Variants in MMD2 observed in about 807,000 individuals in gnomAD.
The protein encoded by MMD2 is monocyte to macrophage differentiation associated 2.
Under a neutral mutation model 33.5 loss-of-function variants are expected in MMD2, and 30 were observed. The ratio of observed to expected loss-of-function variants is 0.90; its 90% CI spans 0.67 to 1.22. The LOEUF (loss-of-function observed/expected upper bound fraction) is 1.22. Among genes scored for constraint, MMD2 ranks in the 50% most tolerant of loss-of-function variants. MMD2 has a pLI of 0.00. For missense variants in MMD2, 364 were observed against 325.4 expected (o/e 1.12, Z -0.91); for synonymous variants, 129 against 123.0 (o/e 1.05, Z -0.32).
chr7:4,894,836 A>C, the MMD2 span, among the ~76,000 whole-genome samples: 19 of 152,076 alleles, frequency 1.2e-4, no homozygotes, highest in African/African-American at 3.9e-4. The surrounding 1 kb of genome is among the most constrained non-coding windows in gnomAD (Gnocchi z 4.3). Flanking sequence ...TCCAGGAAGA[A>C]TCAGGTCACC....
intron 3 of MMD2, among the ~76,000 whole-genome samples, chr7:4,916,473 C>T (rs1785147647): frequency 6.6e-6 from 1 of 151,196 alleles, no homozygotes; most frequent in Non-Finnish European, 1.5e-5. Flanking sequence ...ACCTCCGCTT[C>T]CCGGATTCAA....
In MMD2 at chr7:4,947,202, C is replaced by T. The variant is rs984667252; in HGVS notation, c.47+11769G>A. ...CAGCCTGGGTGACAGAGCAAGACTC[C>T]GTCTCAAACAAAAGAAAAAAGAAAG... On this transcript the variant is annotated intron_variant, in intron 1 of 6. Transcript: ENST00000401401. Among the ~76,000 whole-genome samples the T allele has an allele frequency of 2.0e-5, 3 of 151,676 alleles. No homozygotes were observed. The South Asian group carries it at 6.2e-4, about 31-fold the overall frequency.
intron 2 of MMD2, among the ~76,000 whole-genome samples, chr7:4,922,461 A>G (rs1217025650): frequency 6.6e-6 from 1 of 151,722 alleles, no homozygotes; most frequent in Non-Finnish European, 1.5e-5. Flanking sequence ...TCCCAGCAAG[A>G]CTCCATTTAA....
At chr7:4,941,834 G>A (rs980181884) in intron 1 of MMD2, among the ~76,000 whole-genome samples, 2 of 151,362 alleles carry the variant, frequency 1.3e-5, no homozygotes, top group Admixed American at 1.3e-4. Flanking sequence ...GCACCAGGAA[G>A]GTTGCACCAC....
intron 1 of MMD2, among the ~76,000 whole-genome samples, chr7:4,928,808 G>A (rs965119080): frequency 6.6e-6 from 1 of 151,690 alleles, no homozygotes; most frequent in African/African-American, 2.4e-5. Flanking sequence ...TTGATGTGTT[G>A]GCTCCGTGCT....
At chr7:4,945,766 G>A (rs1786058002) in intron 1 of MMD2, among the ~76,000 whole-genome samples, 1 of 147,894 alleles carries the variant, frequency 6.8e-6, no homozygotes, top group Admixed American at 7.0e-5. Context: ...GTGGAGATGG[G>A]GATTCATCAT....
chr7:4,910,070 G>A (rs200487993), intron 5 of MMD2, 120 bp from the exon 6 acceptor site: 322 of 1,604,412 alleles, frequency 2.0e-4, no homozygotes, highest in Non-Finnish European at 2.4e-4. Flanking sequence ...AAGAAAGGAC[G>A]CTTTCTCTGT....
downstream of MMD2, among the ~76,000 whole-genome samples, chr7:4,904,859 C>T (rs180803776): frequency 7.7e-4 from 117 of 152,288 alleles, no homozygotes; most frequent in Non-Finnish European, 6.8e-4. Flanking sequence ...CAAGTAGCTG[C>T]ATGATGAAGG....
chr7:4,921,952 C>T (rs547772879), intron 2 of MMD2, among the ~76,000 whole-genome samples: 4 of 152,122 alleles, frequency 2.6e-5, no homozygotes, highest in African/African-American at 4.8e-5. Context: ...TGGCCGGGTG[C>T]GGTGGCTCAC....
the MMD2 span, among the ~76,000 whole-genome samples, chr7:4,899,427 C>T: frequency 0.019 from 2,839 of 150,676 alleles, 89 homozygotes; most frequent in African/African-American, 0.066. Context: ...CTTGCTTTGT[C>T]GCCCAGGCTG....
intron 3 of MMD2, 21 bp from the exon 4 acceptor site, chr7:4,916,100 G>T (rs748993173): frequency 2.5e-6 from 4 of 1,611,498 alleles, no homozygotes; most frequent in African/African-American, 2.7e-5. Context: ...AGAGAAGCCG[G>T]CAGTCACAGC....
At chr7:4,895,056 G>T in the MMD2 span, among the ~76,000 whole-genome samples, 1 of 150,486 alleles carries the variant, frequency 6.6e-6, no homozygotes. Context: ...TTGCATCCCC[G>T]ACTGCTTGCA....
At chr7:4,944,684 G>A (rs1786002639) in intron 1 of MMD2, among the ~76,000 whole-genome samples, 1 of 150,960 alleles carries the variant, frequency 6.6e-6, no homozygotes, top group Non-Finnish European at 1.5e-5. Context: ...GCTGAACCCC[G>A]CTACTTCTGG....
chr7:4,921,494 A>G (rs4720445), intron 2 of MMD2, among the ~76,000 whole-genome samples: 92,048 of 151,294 alleles, frequency 0.61, 28,163 homozygotes, highest in Admixed American at 0.68. Context: ...GGTGGTGCGC[A>G]CCTGTAATCC....
At chr7:4,913,811 G>C (rs1372556058) in intron 4 of MMD2, among the ~76,000 whole-genome samples, 1 of 149,734 alleles carries the variant, frequency 6.7e-6, no homozygotes, top group Admixed American at 6.7e-5. Context: ...ACAGGTGCCT[G>C]CCACCACGCC....
chr7:4,941,545 G>A (rs1411592977), intron 1 of MMD2, among the ~76,000 whole-genome samples: 5 of 151,062 alleles, frequency 3.3e-5, no homozygotes, highest in Admixed American at 6.6e-5. Context: ...CAAGAGAATC[G>A]CTTGAACCTG....
chr7:4,921,061 C>A (rs1273336556), intron 2 of MMD2, among the ~76,000 whole-genome samples: 1 of 152,144 alleles, frequency 6.6e-6, no homozygotes, highest in Admixed American at 6.6e-5. Context: ...TGGCTGCCAA[C>A]CTGGACAGTG....
chr7:4,914,938 T>A lies in MMD2; in HGVS notation c.365+1067A>T, dbSNP rs900626537. On this transcript the variant is annotated intron_variant, in intron 4 of 6. Transcript: ENST00000401401. ...AGAACAAGACTCCATCTCAAAAACA[T>A]AAACAAAACAAAACAAAAAATAAAA... Among the ~76,000 whole-genome samples the A allele has an allele frequency of 2.0e-5, 3 of 149,568 alleles. No individual in the cohort carries two copies. The South Asian group carries it at 6.4e-4, about 32-fold the overall frequency.
chr7:4,923,331 C>T (rs942648649), intron 2 of MMD2, among the ~76,000 whole-genome samples: 48 of 151,910 alleles, frequency 3.2e-4, no homozygotes, highest in Non-Finnish European at 4.4e-4. Flanking sequence ...CTCGAACTCC[C>T]AACCTCAAGT....
Sources: gnomAD v4.1 joint callset for allele counts (sites outside exome capture counted in the v4.1 genomes callset) on GRCh38, gnomAD v4.1.1 for gene constraint, Gnocchi (gnomAD v3.1) non-coding constraint, MANE v1.5 for transcripts, NCBI Gene and HGNC (gene_info 2026-07-23, HGNC 2026-07-21) for gene names.